ETFA: variants seen among roughly 807,000 people sequenced by gnomAD.
The protein encoded by ETFA is electron transfer flavoprotein subunit alpha, also known as electron transfer flavoprotein subunit alpha, mitochondrial.
Under a neutral mutation model 46.2 loss-of-function variants are expected in ETFA, and 22 were observed. The ratio of observed to expected loss-of-function variants is 0.48; its 90% CI spans 0.34 to 0.68. The LOEUF (loss-of-function observed/expected upper bound fraction) is 0.68, where lower values mean the gene tolerates loss of function less well. ETFA is among the 30% of genes least tolerant of loss of function. ETFA has a pLI of 0.01. For missense variants in ETFA, 345 were observed against 401.1 expected (o/e 0.86, Z 1.19); for synonymous variants, 131 against 139.9 (o/e 0.94, Z 0.45).
chr15:76,306,539 C>T (rs546140118), intron 1 of ETFA, among the ~76,000 whole-genome samples: 5 of 152,054 alleles, frequency 3.3e-5, no homozygotes, highest in African/African-American at 9.6e-5. Context: ...GCTGGGATTA[C>T]AGACATGAGC....
intron 8 of ETFA, among the ~76,000 whole-genome samples, chr15:76,279,650 C>T (rs998534423): frequency 6.6e-6 from 1 of 152,102 alleles, no homozygotes; most frequent in African/African-American, 2.4e-5. Flanking sequence ...CAGTGGCCAA[C>T]GATGTCTAAG....
chr15:76,266,820 C>T (rs1029336565), intron 9 of ETFA, among the ~76,000 whole-genome samples: 24 of 151,924 alleles, frequency 1.6e-4, no homozygotes, highest in African/African-American at 3.9e-4. Flanking sequence ...AACAGAATGG[C>T]GTGAACCTGG....
At chr15:76,279,269 C>T (rs8042255) in intron 8 of ETFA, among the ~76,000 whole-genome samples, 25,537 of 152,056 alleles carry the variant, frequency 0.17, 3,053 homozygotes, top group African/African-American at 0.34. Context: ...TAACCACTAC[C>T]TATGCCTTTT....
chr15:76,294,909 T>C (rs746441805), intron 2 of ETFA, among the ~76,000 whole-genome samples: 4 of 152,178 alleles, frequency 2.6e-5, no homozygotes, highest in Non-Finnish European at 5.9e-5. Flanking sequence ...GATTTATTCC[T>C]CTGTGAAGTT....
chr15:76,272,064 GAATA>G (rs996426924), intron 9 of ETFA, among the ~76,000 whole-genome samples: 1 of 151,870 alleles, frequency 6.6e-6, no homozygotes, highest in Non-Finnish European at 1.5e-5. Flanking sequence ...GAGTAATATT[GAATA>G]ATGCTGATGG....
chr15:76,283,786 T>A lies in ETFA; in HGVS notation c.704A>T (p.Tyr235Phe). ...AGCATGTAGTTGATCTGCCAAGTCA[T>A]ATAACAACTTAAAGTTCTCTCCACT... The part of the protein sequence containing the change: ...LKSGENFKLL[Y>F]DLADQLHAAV... The change falls in exon 8 of 12, where the codon TAT becomes TTT. Residue 235 changes from tyrosine to phenylalanine, a missense_variant. Physicochemically the swap from Tyr to Phe is conservative, Grantham distance 22 (BLOSUM62 3). Transcript: ENST00000557943. 6.2e-7 allele frequency: 1 copy of A among 1,611,754 alleles called. No individual in the cohort carries two copies. Among genetic ancestry groups the A allele is most frequent in the Non-Finnish European group, 8.5e-7 (1 of 1,178,086 alleles).
At chr15:76,231,535 T>C in intron 9 of ETFA, 137 bp from the exon 10 acceptor site, 3 of 587,136 alleles carry the variant, frequency 5.1e-6, no homozygotes, top group African/African-American at 1.9e-5. Flanking sequence ...GCTTAAATTA[T>C]GCTTTTCTTT....
At chr15:76,271,542 G>A (rs1386531207) in intron 9 of ETFA, among the ~76,000 whole-genome samples, 1 of 152,196 alleles carries the variant, frequency 6.6e-6, no homozygotes, top group East Asian at 1.9e-4. Flanking sequence ...AAGGACACAT[G>A]ACAGTTAAAA....
intron 9 of ETFA, among the ~76,000 whole-genome samples, chr15:76,270,776 G>A (rs879829419): frequency 8.5e-5 from 13 of 152,066 alleles, no homozygotes; most frequent in Non-Finnish European, 1.9e-4. Context: ...AGCCAAACAT[G>A]GGACAATTCG....
intron 8 of ETFA, among the ~76,000 whole-genome samples, chr15:76,281,381 C>G (rs909512505): frequency 1.3e-5 from 2 of 152,224 alleles, no homozygotes; most frequent in African/African-American, 4.8e-5. Flanking sequence ...TTCTCCACCC[C>G]CCATAACCCA....
chr15:76,273,590 A>G (rs114566574), intron 9 of ETFA, among the ~76,000 whole-genome samples: 3,195 of 152,052 alleles, frequency 0.021, 107 homozygotes, highest in African/African-American at 0.074. Flanking sequence ...AACAAAAAAA[A>G]CTTCAAAAAT....
At chr15:76,242,885 T>C (rs1486995112) in intron 9 of ETFA, among the ~76,000 whole-genome samples, 1 of 152,230 alleles carries the variant, frequency 6.6e-6, no homozygotes, top group Non-Finnish European at 1.5e-5. Flanking sequence ...TAGAACGTAA[T>C]AAGTTATTGC....
intron 8 of ETFA, among the ~76,000 whole-genome samples, chr15:76,283,255 G>A (rs909289961): frequency 2.6e-5 from 4 of 151,862 alleles, no homozygotes; most frequent in Admixed American, 6.6e-5. Flanking sequence ...GCAGTGGCAC[G>A]ACCACAGTGC....
rs71143306 is a variant in ETFA at position 76,272,813 on chromosome 15, C to CATATATATATATATATAT, written c.816+1581_816+1598dup. Reference sequence around the variant, plus strand: ...AAGACCCTGTCTCTTAAAATATATACATATATATATATATATATGCGCATG... The same window carrying CATATATATATATATATAT: ...AAGACCCTGTCTCTTAAAATATATACATATATATATATATATATATATATATATATATATATGCGCATG... On this transcript the variant is annotated intron_variant, in intron 9 of 11. Transcript: ENST00000557943. 3.4e-3 allele frequency among the ~76,000 whole-genome samples: 470 copies of CATATATATATATATATAT among 137,524 alleles called. 3 individuals are homozygous for CATATATATATATATATAT. Among genetic ancestry groups the CATATATATATATATATAT allele is most frequent in the Admixed American group, 3.8e-3 (53 of 13,922 alleles). The allele number at this position is 137,524 out of a possible 152,430, so 90.2% of individuals were successfully genotyped here. A position where few individuals can be genotyped will look rare whatever the true frequency, so the allele number is the denominator to read the frequency against.
At chr15:76,274,375 T>A (rs747736476) in intron 9 of ETFA, 37 bp downstream of exon 9, 3 of 1,459,334 alleles carry the variant, frequency 2.1e-6, no homozygotes, top group Non-Finnish European at 2.9e-6. Flanking sequence ...CTTATCCCCA[T>A]AACATTTTAC....
At chr15:76,245,153 A>G (rs2039232218) in intron 9 of ETFA, 2 of 152,194 alleles carry the variant, frequency 1.3e-5, no homozygotes, top group South Asian at 4.1e-4. Flanking sequence ...ACTTCACTGT[A>G]TGGGCTTTGA....
At chr15:76,241,660 C>T (rs2039190622) in intron 9 of ETFA, among the ~76,000 whole-genome samples, 1 of 150,352 alleles carries the variant, frequency 6.7e-6, no homozygotes, top group South Asian at 2.1e-4. Context: ...ATTAGCCAGG[C>T]ATGGGGGGCG....
intron 11 of ETFA, among the ~76,000 whole-genome samples, chr15:76,221,391 TG>T (rs1296324874): frequency 6.6e-6 from 1 of 152,220 alleles, no homozygotes; most frequent in Non-Finnish European, 1.5e-5. Flanking sequence ...CTTTTTGGCA[TG>T]ATGAAATGTG....
chr15:76,247,899 T>A (rs2039258899), intron 9 of ETFA, among the ~76,000 whole-genome samples: 1 of 152,220 alleles, frequency 6.6e-6, no homozygotes, highest in Non-Finnish European at 1.5e-5. Context: ...AGGTTTTGAA[T>A]AGACTGTGAA....
Sources: allele counts gnomAD v4.1 joint callset (sites outside exome capture counted in the v4.1 genomes callset), GRCh38; gene constraint gnomAD v4.1.1; transcripts MANE v1.5; gene names NCBI Gene and HGNC (gene_info 2026-07-23, HGNC 2026-07-21).